TMPRSS9: variants seen among roughly 807,000 people sequenced by gnomAD.
TMPRSS9 encodes transmembrane protease serine 9.
A neutral mutation model predicts 111.4 loss-of-function variants in TMPRSS9; 113 were observed. That is an observed-to-expected ratio of 1.01 (90% CI 0.87 to 1.19). The LOEUF (loss-of-function observed/expected upper bound fraction) is 1.19. TMPRSS9 is among the 50% of genes most tolerant of loss of function. TMPRSS9 has a pLI of 0.00. For synonymous variants in TMPRSS9, 805 were observed against 659.1 expected (o/e 1.22, Z -3.39); for missense variants, 1,803 against 1,513.1 (o/e 1.19, Z -3.18).
At chr19:2,400,024 C>T (rs944295838) in intron 4 of TMPRSS9, among the ~76,000 whole-genome samples, 2 of 152,212 alleles carry the variant, frequency 1.3e-5, no homozygotes, top group African/African-American at 4.8e-5. Flanking sequence ...GCCACGTGCC[C>T]AGTTAATATT....
At chr19:2,362,891 TGGTTGTGTGA>T (rs1436859938) in intron 1 of TMPRSS9, among the ~76,000 whole-genome samples, 3 of 151,690 alleles carry the variant, frequency 2.0e-5, no homozygotes, top group African/African-American at 7.3e-5. Flanking sequence ...TGGTTGTGTT[TGGTTGTGTGA>T]GGTTGTGTGT....
exon 7 of TMPRSS9, chr19:2,405,534 C>G (rs1465660678): frequency 6.3e-7 from 1 of 1,578,144 alleles, no homozygotes; most frequent in Non-Finnish European, 8.6e-7. Context: ...CTGCTGCTCA[C>G]TGCTTCAATG....
At chr19:2,396,261 G>A (rs1410955220) in intron 1 of TMPRSS9, 1 of 341,076 alleles carries the variant, frequency 2.9e-6, no homozygotes, top group Non-Finnish European at 5.3e-6. Context: ...GGCATCTGGG[G>A]CTCACTTGGC....
At chr19:2,363,780 C>CTGTGTGTG (rs200595061) in intron 1 of TMPRSS9, among the ~76,000 whole-genome samples, 92 of 119,194 alleles carry the variant, frequency 7.7e-4, no homozygotes, top group African/African-American at 3.3e-3. Context: ...TCCAAGAACT[C>CTGTGTGTG]TGTGTGTGAG....
At position 2,417,908 on chromosome 19, in the gene TMPRSS9, G is replaced by A. The variant is rs371215868; in HGVS notation, c.2018-94G>A. On this transcript the variant is annotated intron_variant, in intron 12 of 17. Coordinates refer to ENST00000648592, the Ensembl canonical transcript of TMPRSS9. ...GCCCTGGTTTCTTCGTCTGTGGGGT[G>A]GGGATGCTGCATCTCGGGGCTGTTA... The A allele has an allele frequency of 7.0e-5, 105 of 1,501,414 alleles. No homozygotes were observed. In the African/African-American group the frequency reaches 1.3e-3, roughly 18 times the overall value. The allele number at this position is 1,501,414 out of a possible 1,614,324, so 93.0% of individuals were successfully genotyped here.
In TMPRSS9 at chr19:2,420,123, C is replaced by A. The variant is rs113332202; in HGVS notation, c.2155-1731C>A. On this transcript the variant is annotated intron_variant, in intron 13 of 17. Transcript: ENST00000648592. Reference sequence around the variant, plus strand: ...GCTGCAGTAAACTGTGATCACACAGCTGCACTCCATCCTGGGCGACACAGC... The same window carrying A: ...GCTGCAGTAAACTGTGATCACACAGATGCACTCCATCCTGGGCGACACAGC... Among the ~76,000 whole-genome samples, 24 of 152,152 alleles carry A rather than the reference C, an allele frequency of 1.6e-4. No individual in the cohort carries two copies. The South Asian group carries it at 4.6e-3, about 29-fold the overall frequency.
intron 1 of TMPRSS9, among the ~76,000 whole-genome samples, chr19:2,384,681 G>A (rs1970437297): frequency 6.6e-6 from 1 of 152,030 alleles, no homozygotes; most frequent in African/African-American, 2.4e-5. Context: ...CAGGCGTGGT[G>A]GCGGGCGCCT....
intron 14 of TMPRSS9, 33 bp from the exon 16 acceptor site, chr19:2,424,056 G>A (rs757206677): frequency 4.0e-6 from 5 of 1,255,668 alleles, no homozygotes; most frequent in Non-Finnish European, 5.0e-6. Context: ...GGTGCCCTGG[G>A]TCCGCCTGCC....
chr19:2,408,294 C>T (rs1457631136), intron 7 of TMPRSS9, 62 bp from the exon 9 acceptor site: 9 of 1,559,060 alleles, frequency 5.8e-6, no homozygotes, highest in South Asian at 2.3e-5. Flanking sequence ...GCGAGTGTCC[C>T]GTCTGCCTCC....
At chr19:2,368,774 G>GTTTTTTGTTTTTTTTTTT (rs1970266065) in intron 1 of TMPRSS9, among the ~76,000 whole-genome samples, 1 of 70,366 alleles carries the variant, frequency 1.4e-5, no homozygotes, top group Non-Finnish European at 2.6e-5. Flanking sequence ...GATAAACCCA[G>GTTTTTTGTTTTTTTTTTT]TTTTTTTTTT....
At chr19:2,410,216 C>G (rs778286184) in intron 8 of TMPRSS9, 42 bp from the exon 10 acceptor site, 36 of 1,607,822 alleles carry the variant, frequency 2.2e-5, no homozygotes, top group Non-Finnish European at 2.1e-5. Flanking sequence ...GCTGCCAGGG[C>G]TCCGGCACTC....
chr19:2,414,968 G>A (rs1038876668), intron 10 of TMPRSS9, among the ~76,000 whole-genome samples: 97 of 141,070 alleles, frequency 6.9e-4, no homozygotes, highest in African/African-American at 2.4e-3. Context: ...TTTCTGAGAC[G>A]GAGTTTCACT....
At chr19:2,390,891 G>A (rs575311917) in intron 1 of TMPRSS9, among the ~76,000 whole-genome samples, 5 of 151,438 alleles carry the variant, frequency 3.3e-5, no homozygotes, top group Admixed American at 6.6e-5. Context: ...AAATAAGGCC[G>A]GGTGCAGTGG....
upstream of TMPRSS9, among the ~76,000 whole-genome samples, chr19:2,385,857 A>C (rs917915838): frequency 6.6e-6 from 1 of 152,128 alleles, no homozygotes; most frequent in Non-Finnish European, 1.5e-5. Flanking sequence ...TCTCTAAAAA[A>C]TAAAAAAAGA....
intron 10 of TMPRSS9, among the ~76,000 whole-genome samples, chr19:2,415,344 G>A (rs1971203141): frequency 6.6e-6 from 1 of 152,144 alleles, no homozygotes; most frequent in South Asian, 2.1e-4. Flanking sequence ...CTCCTGGAGT[G>A]CAGCCCCGTC....
exon 16 of TMPRSS9, chr19:2,425,256 T>A: frequency 1.5e-6 from 2 of 1,368,510 alleles, no homozygotes; most frequent in Non-Finnish European, 1.9e-6. Flanking sequence ...TGGGGCTCGG[T>A]GCGCGAAGGA....
At chr19:2,422,976 G>C (rs1971500087) in intron 14 of TMPRSS9, among the ~76,000 whole-genome samples, 1 of 151,730 alleles carries the variant, frequency 6.6e-6, no homozygotes, top group East Asian at 1.9e-4. Flanking sequence ...AGAATCATTT[G>C]AGCTCAGGAA....
intron 9 of TMPRSS9, among the ~76,000 whole-genome samples, chr19:2,413,219 G>A (rs1232680689): frequency 3.3e-5 from 5 of 151,876 alleles, no homozygotes; most frequent in African/African-American, 4.8e-5. Context: ...ACAAAAAAAC[G>A]ATACACAGAA....
chr19:2,417,911 G>T, intron 12 of TMPRSS9, 91 bp from the exon 14 acceptor site: 2 of 1,516,980 alleles, frequency 1.3e-6, no homozygotes, highest in Non-Finnish European at 9.0e-7. Context: ...GTGGGGTGGG[G>T]ATGCTGCATC....
Sources: allele counts gnomAD v4.1 joint callset (sites outside exome capture counted in the v4.1 genomes callset), GRCh38; gene constraint gnomAD v4.1.1; transcripts MANE v1.5; gene names NCBI Gene and HGNC (gene_info 2026-07-23, HGNC 2026-07-21).